Variants in BCKDHB observed in about 807,000 individuals in gnomAD.
BCKDHB encodes 2-oxoisovalerate dehydrogenase subunit beta, mitochondrial.
A neutral mutation model predicts 48.5 loss-of-function variants in BCKDHB; 41 were observed. The observed-to-expected ratio is 0.85, with a 90% CI of 0.66 to 1.10. The LOEUF is 1.10. Ranked by LOEUF, BCKDHB falls within the 50% of genes least tolerant of loss-of-function variation. The pLI is 0.00. For synonymous variants in BCKDHB, 201 were observed against 174.8 expected (o/e 1.15, Z -1.18); for missense variants, 496 against 494.2 (o/e 1.00, Z -0.03).
chr6:80,303,182 A>G (rs181463533), intron 9 of BCKDHB, among the ~76,000 whole-genome samples: 8 of 152,198 alleles, frequency 5.3e-5, no homozygotes. Flanking sequence ...TTAATTTAGC[A>G]TTAAATGCTT....
chr6:80,245,721 T>A (rs1776582817), intron 8 of BCKDHB, among the ~76,000 whole-genome samples: 1 of 152,148 alleles, frequency 6.6e-6, no homozygotes, highest in Admixed American at 6.5e-5. Context: ...TCATGGCCCT[T>A]CTTTTCTACT....
chr6:80,127,213 T>G (rs150013085), intron 1 of BCKDHB: 4 of 320,808 alleles, frequency 1.2e-5, no homozygotes, highest in African/African-American at 8.5e-5. Context: ...CTGTCTGTGC[T>G]TCTTCCCAGA....
At chr6:80,429,448 A>G in the BCKDHB span, among the ~76,000 whole-genome samples, 11 of 152,318 alleles carry the variant, frequency 7.2e-5, no homozygotes, top group African/African-American at 2.4e-4. Flanking sequence ...CATTGAATCT[A>G]TAAACTACTT....
intron 9 of BCKDHB, among the ~76,000 whole-genome samples, chr6:80,274,482 C>A (rs1314720751): frequency 6.6e-6 from 1 of 151,850 alleles, no homozygotes; most frequent in East Asian, 1.9e-4. Context: ...TTAGGGCAAT[C>A]ATTTCAAGCC....
the BCKDHB span, among the ~76,000 whole-genome samples, chr6:80,412,037 A>G: frequency 6.6e-6 from 1 of 152,204 alleles, no homozygotes; most frequent in Admixed American, 6.5e-5. Context: ...TGTCTTCTGC[A>G]TCAATCTCAC....
chr6:80,305,630 AAAG>A (rs1205432536), intron 9 of BCKDHB, among the ~76,000 whole-genome samples: 1 of 152,130 alleles, frequency 6.6e-6, no homozygotes, highest in Non-Finnish European at 1.5e-5. Flanking sequence ...AAGATACTCC[AAAG>A]AAGAACTGAG....
At chr6:80,284,881 C>A (rs1223490555) in intron 9 of BCKDHB, among the ~76,000 whole-genome samples, 2 of 152,054 alleles carry the variant, frequency 1.3e-5, no homozygotes, top group African/African-American at 4.8e-5. Flanking sequence ...CTTCAAAAAG[C>A]AGTAGCATAA....
the BCKDHB span, among the ~76,000 whole-genome samples, chr6:80,433,525 TC>T: frequency 1.3e-5 from 2 of 152,178 alleles, no homozygotes; most frequent in Admixed American, 1.3e-4. Flanking sequence ...AGCTTAAGTG[TC>T]CCAGGTTGAT....
intron 3 of BCKDHB, among the ~76,000 whole-genome samples, chr6:80,133,781 T>C (rs1770747174): frequency 6.6e-6 from 1 of 152,102 alleles, no homozygotes; most frequent in African/African-American, 2.4e-5. Context: ...TAGCTGGGAC[T>C]ACAGGTGCCC....
intron 3 of BCKDHB, among the ~76,000 whole-genome samples, chr6:80,155,469 A>G (rs956385465): frequency 1.3e-5 from 2 of 152,170 alleles, no homozygotes; most frequent in African/African-American, 2.4e-5. Context: ...GTTACTGGCT[A>G]TTGACTTTGG....
the BCKDHB span, among the ~76,000 whole-genome samples, chr6:80,431,225 G>C: frequency 1.3e-5 from 2 of 152,148 alleles, no homozygotes; most frequent in Non-Finnish European, 1.5e-5. Context: ...TTGCTGAGGA[G>C]TGTTTTACTT....
chr6:80,384,711 A>G, the BCKDHB span, among the ~76,000 whole-genome samples: 1 of 152,128 alleles, frequency 6.6e-6, no homozygotes, highest in Non-Finnish European at 1.5e-5. Context: ...AAGCTTGCAG[A>G]CAGCCTATTG....
intron 8 of BCKDHB, among the ~76,000 whole-genome samples, chr6:80,228,623 A>G (rs1302529957): frequency 6.6e-6 from 1 of 151,938 alleles, no homozygotes; most frequent in African/African-American, 2.4e-5. Flanking sequence ...TTGAAATGGC[A>G]TTTTGTTTTT....
chr6:80,170,836 T>G (rs1054916370), intron 5 of BCKDHB, among the ~76,000 whole-genome samples: 1 of 152,164 alleles, frequency 6.6e-6, no homozygotes, highest in Non-Finnish European at 1.5e-5. Context: ...AGACCATATT[T>G]TTTTTCATGG....
the BCKDHB span, among the ~76,000 whole-genome samples, chr6:80,351,278 T>C: frequency 6.6e-6 from 1 of 152,200 alleles, no homozygotes; most frequent in Non-Finnish European, 1.5e-5. Flanking sequence ...CTTTGTTAAG[T>C]AGCTCTAGGA....
At chr6:80,149,054 T>G (rs963556629) in intron 3 of BCKDHB, among the ~76,000 whole-genome samples, 3 of 151,740 alleles carry the variant, frequency 2.0e-5, no homozygotes, top group Admixed American at 2.0e-4. Context: ...TGGGAGAAAA[T>G]TTTTGCAACC....
chr6:80,255,511 A>G (rs1028628525), intron 8 of BCKDHB, among the ~76,000 whole-genome samples: 4 of 152,230 alleles, frequency 2.6e-5, no homozygotes, highest in Non-Finnish European at 4.4e-5. Flanking sequence ...AAGGGAAAAA[A>G]AAGAAAAAAA....
intron 6 of BCKDHB, among the ~76,000 whole-genome samples, chr6:80,191,555 C>A (rs10943696): frequency 1.3e-5 from 2 of 151,932 alleles, no homozygotes; most frequent in South Asian, 2.1e-4. Flanking sequence ...CTACCCCTTC[C>A]CCCCCTCATG....
At chr6:80,171,011 A>T (rs985540920) in intron 5 of BCKDHB, among the ~76,000 whole-genome samples, 39 of 151,878 alleles carry the variant, frequency 2.6e-4, no homozygotes, top group Non-Finnish European at 4.9e-4. Context: ...TATTCTTTTT[A>T]TTTTTTTTAT....
Sources: gnomAD v4.1 joint callset for allele counts (sites outside exome capture counted in the v4.1 genomes callset) on GRCh38, gnomAD v4.1.1 for gene constraint, MANE v1.5 for transcripts, NCBI Gene and HGNC (gene_info 2026-07-23, HGNC 2026-07-21) for gene names.